Variants in SEPHS1 observed in about 807,000 individuals in gnomAD.
The protein encoded by SEPHS1 is selenophosphate synthetase 1.
A neutral mutation model predicts 39.2 loss-of-function variants in SEPHS1; 7 were observed. The observed-to-expected ratio is 0.18, with a 90% CI of 0.10 to 0.34. SEPHS1 has a LOEUF of 0.34. SEPHS1 is among the 10% of genes least tolerant of loss of function. The pLI is 1.00. For missense variants in SEPHS1, 253 were observed against 514.5 expected, an observed-to-expected ratio of 0.49 and a Z score of 4.92; for synonymous variants, 190 against 195.5, an observed-to-expected ratio of 0.97 and a Z score of 0.23.
At chr10:13,330,060 C>T (rs1051152839) in intron 5 of SEPHS1, among the ~76,000 whole-genome samples, 1 of 152,108 alleles carries the variant, frequency 6.6e-6, no homozygotes, top group Non-Finnish European at 1.5e-5. Context: ...ATCACTTGAG[C>T]CCAGGAGTTC....
At chr10:13,320,275 G>A (rs1016876809) in intron 8 of SEPHS1, among the ~76,000 whole-genome samples, 2 of 150,752 alleles carry the variant, frequency 1.3e-5, no homozygotes, top group Admixed American at 6.6e-5. Context: ...TCCACCTCCC[G>A]GGTTCACACC....
At chr10:13,332,268 C>A (rs922305298) in intron 5 of SEPHS1, among the ~76,000 whole-genome samples, 1 of 152,220 alleles carries the variant, frequency 6.6e-6, no homozygotes, top group Non-Finnish European at 1.5e-5. Flanking sequence ...TGAAGCCAGA[C>A]ACAGCATGTC....
chr10:13,330,827 C>T (rs1387330683), intron 5 of SEPHS1, among the ~76,000 whole-genome samples: 2 of 148,672 alleles, frequency 1.3e-5, no homozygotes, highest in African/African-American at 4.9e-5. Flanking sequence ...AGTTGATGTT[C>T]TTTTTTTTTA....
intron 5 of SEPHS1, 68 bp from the exon 6 acceptor site, chr10:13,329,856 A>G: frequency 8.0e-7 from 1 of 1,245,522 alleles, no homozygotes; most frequent in Non-Finnish European, 1.1e-6. Context: ...TTATTAACAC[A>G]AGAGAAGGAA....
chr10:13,344,660 A>C (rs1833877749), intron 2 of SEPHS1, 98 bp downstream of exon 2: 8 of 866,474 alleles, frequency 9.2e-6, no homozygotes, highest in Non-Finnish European at 1.3e-5. Flanking sequence ...CAAAAAAAGT[A>C]ATAATAAAAA....
intron 2 of SEPHS1, among the ~76,000 whole-genome samples, chr10:13,342,061 C>T (rs10796062): frequency 0.41 from 60,543 of 149,174 alleles, 13,902 homozygotes; most frequent in East Asian, 0.69. Flanking sequence ...AGGCGGATCA[C>T]GAGGTCAGGA....
At chr10:13,342,976 C>T (rs1224793035) in intron 2 of SEPHS1, among the ~76,000 whole-genome samples, 1 of 152,116 alleles carries the variant, frequency 6.6e-6, no homozygotes, top group Admixed American at 6.6e-5. Context: ...CTTGAGTGAT[C>T]TGCCCATCTT....
intron 6 of SEPHS1, 39 bp downstream of exon 6, chr10:13,329,659 C>A: frequency 6.8e-7 from 1 of 1,470,842 alleles, no homozygotes; most frequent in Non-Finnish European, 9.4e-7. Flanking sequence ...TGCAAACGTA[C>A]CATTCCCCTC....
intron 5 of SEPHS1, among the ~76,000 whole-genome samples, chr10:13,332,614 C>T (rs563342627): frequency 2.6e-5 from 4 of 152,176 alleles, no homozygotes; most frequent in African/African-American, 7.2e-5. Flanking sequence ...GAGGCTGAGG[C>T]GGTCGGATCA....
intron 8 of SEPHS1, among the ~76,000 whole-genome samples, chr10:13,321,153 A>G (rs576701325): frequency 6.6e-6 from 1 of 151,990 alleles, no homozygotes; most frequent in African/African-American, 2.4e-5. Flanking sequence ...CCGGCCTACT[A>G]CGGAATCTCC....
chr10:13,323,543 C>T (rs1333497302), intron 7 of SEPHS1, among the ~76,000 whole-genome samples: 2 of 151,870 alleles, frequency 1.3e-5, no homozygotes, highest in African/African-American at 4.8e-5. Context: ...TTAGCAGAGA[C>T]AGGGTTTCAC....
chr10:13,328,712 G>C (rs1253825638), intron 6 of SEPHS1, among the ~76,000 whole-genome samples: 1 of 152,108 alleles, frequency 6.6e-6, no homozygotes, highest in African/African-American at 2.4e-5. Flanking sequence ...TAGTCTAGCG[G>C]GACACACGGC....
intron 4 of SEPHS1, among the ~76,000 whole-genome samples, chr10:13,335,752 G>A (rs1356015370): frequency 6.6e-6 from 1 of 152,080 alleles, no homozygotes; most frequent in South Asian, 2.1e-4. Context: ...TGCCGAGATA[G>A]GTGGATTACC....
chr10:13,320,417 G>A (rs556389302), intron 8 of SEPHS1, among the ~76,000 whole-genome samples: 6 of 151,948 alleles, frequency 3.9e-5, no homozygotes, highest in African/African-American at 7.2e-5. Context: ...TCCTGACCTC[G>A]TGATCCACCC....
intron 1 of SEPHS1, among the ~76,000 whole-genome samples, chr10:13,347,792 G>A (rs1347672107): frequency 1.5e-5 from 2 of 136,238 alleles, no homozygotes; most frequent in African/African-American, 5.3e-5. Context: ...CGGCGGCGGC[G>A]GCGGCGCGGG....
intron 2 of SEPHS1, among the ~76,000 whole-genome samples, chr10:13,340,142 G>C (rs114544274): frequency 0.01 from 1,538 of 152,142 alleles, 23 homozygotes; most frequent in South Asian, 0.034. Context: ...TGCCTCACTC[G>C]GTCTCATGAC....
chr10:13,328,231 G>T, intron 7 of SEPHS1, 120 bp downstream of exon 7: 1 of 671,678 alleles, frequency 1.5e-6, no homozygotes, highest in Admixed American at 2.6e-5. Flanking sequence ...GGAGAAGACG[G>T]TCTGTAGTCA....
At chr10:13,328,961 A>G (rs147687823) in intron 6 of SEPHS1, among the ~76,000 whole-genome samples, 219 of 152,366 alleles carry the variant, frequency 1.4e-3, no homozygotes, top group African/African-American at 4.9e-3. Flanking sequence ...ACCCTGCGAC[A>G]TCAAGCTAAG....
intron 5 of SEPHS1, among the ~76,000 whole-genome samples, chr10:13,330,249 A>T (rs1833424435): frequency 6.6e-6 from 1 of 152,200 alleles, no homozygotes; most frequent in African/African-American, 2.4e-5. Flanking sequence ...CTTCTGAAAC[A>T]GAGAGTGCTT....
Sources: gnomAD v4.1 joint callset for allele counts (sites outside exome capture counted in the v4.1 genomes callset) on GRCh38, gnomAD v4.1.1 for gene constraint, MANE v1.5 for transcripts, NCBI Gene and HGNC (gene_info 2026-07-23, HGNC 2026-07-21) for gene names.